Variants in FUCA1 observed in about 807,000 individuals in gnomAD.
FUCA1 encodes the protein alpha-L-fucosidase 1.
In FUCA1, 52 loss-of-function variants were observed where a neutral mutation model predicts 56.8. That is an observed-to-expected ratio of 0.92 (90% CI 0.73 to 1.15). FUCA1 has a LOEUF of 1.15. Ranked by LOEUF, FUCA1 falls within the 50% of genes most tolerant of loss-of-function variation. The pLI is 0.00. For missense variants in FUCA1, 568 were observed against 592.6 expected (o/e 0.96, Z 0.43); for synonymous variants, 230 against 226.6 (o/e 1.02, Z -0.14).
rs765520069 is a variant in FUCA1 at position 23,867,902 on chromosome 1, C to A, written c.385G>T (p.Ala129Ser). ...GCTCCCCGGGACCACACTCACTTGG[C>A]GCCCGCGGCCTGGAAGAGGTCGGCC... is the stretch of plus-strand genomic sequence containing the variant. ...EWADLFQAAG[A>S]KYVVLTTKHH... The change falls in exon 1 of 8, where the codon GCC becomes TCC. Residue 129 changes from alanine (A) to serine (S), a missense_variant. Physicochemically the swap from Ala to Ser is moderately conservative, Grantham distance 99 (BLOSUM62 1). Transcript: ENST00000374479. This position sits in a 1 kb window ranked among gnomAD's most constrained non-coding sequence, Gnocchi z 4.9. 5.2e-6 allele frequency: 8 copies of A among 1,547,298 alleles called. No individual in the cohort carries two copies. In the South Asian group the frequency reaches 9.5e-5, roughly 18 times the overall value.
Position 23,854,427 on chromosome 1 carries a change from T to C in FUCA1, c.902A>G (p.Lys301Arg). Residue 301 changes from lysine to arginine, a missense_variant, in exon 5 of 8, where the codon AAG (lysine) becomes AGG (arginine). Coordinates refer to ENST00000374479, the MANE Select transcript of FUCA1 (RefSeq NM_000147.5). ...HKWEMCTSID[K>R]FSWGYRRDMA... The stretch of plus-strand genomic sequence containing the variant: ...GTCACGACGATAGCCCCAGGAAAAC[T>C]TGTCAATGCTGGTGCACATCTCCCA... The C allele has an allele frequency of 6.2e-7, 1 of 1,614,120 alleles. No homozygotes were observed. The highest frequency in any genetic ancestry group is 8.5e-7 in the Non-Finnish European group (1 of 1,180,018).
rs369435617 is a variant in FUCA1, at chr1:23,865,585, T to C, written c.430A>G (p.Asn144Asp). Residue 144 changes from asparagine to aspartate, a missense_variant, in exon 2 of 8, where the codon AAC (asparagine) becomes GAC (aspartate). Transcript: ENST00000374479. ...TTCCAAGACACAGGACTCGGCCAGT[T>C]TGTGAAGCCTTCGTGATGCTTTGTC... The part of the protein sequence containing the change: ...LTTKHHEGFT[N>D]WPSPVSWNWN... 35 of 1,614,046 alleles carry C rather than the reference T, an allele frequency of 2.2e-5. No homozygotes were observed. Among genetic ancestry groups the C allele is most frequent in the Non-Finnish European group, 2.9e-5 (34 of 1,180,036 alleles).
In FUCA1 at chr1:23,848,545, C is replaced by G. The variant is rs1464692890; in HGVS notation, c.1160+104G>C. ...AGGAAAATAACCTTCTGGATTTTCT[C>G]AAGGCAACTTCCAGCCTGGCTTGTG... On this transcript the variant is annotated intron_variant, in intron 6 of 7. Transcript: ENST00000374479. The G allele has an allele frequency of 3.5e-6, 4 of 1,137,934 alleles. No individual in the cohort carries two copies. In the African/African-American group the frequency reaches 6.1e-5, roughly 17 times the overall value. The allele number at this position is 1,137,934 out of a possible 1,614,324, so 70.5% of individuals were successfully genotyped here.
At position 23,853,462 on chromosome 1, in the gene FUCA1, G is replaced by C. The variant is rs568805204; in HGVS notation, c.969+898C>G. Among the ~76,000 whole-genome samples the C allele has an allele frequency of 6.1e-3, 923 of 150,694 alleles. 6 individuals are homozygous for C. Among genetic ancestry groups the C allele is most frequent in the African/African-American group, 0.021 (857 of 40,882 alleles). On this transcript the variant is annotated intron_variant, in intron 5 of 7. Coordinates refer to ENST00000374479, the MANE Select transcript of FUCA1 (RefSeq NM_000147.5). ...GGTGGGGGGGTCAGCCCCCCGCCCA[G>C]CCAGCCGCCCGGTCCGGGAGGTGAG...
rs959234890 is a variant in FUCA1, at chr1:23,863,038, T to C, written c.662+96A>G. The C allele has an allele frequency of 4.5e-6, 6 of 1,335,676 alleles. No individual in the cohort carries two copies. The African/African-American group carries it at 7.2e-5, about 16-fold the overall frequency. 82.7% of individuals were successfully genotyped at this position (1,335,676 alleles called of 1,614,324 possible). A position where few individuals can be genotyped will look rare whatever the true frequency, so the allele number is the denominator to read the frequency against. On this transcript the variant is annotated intron_variant, in intron 3 of 7. Transcript: ENST00000374479. The stretch of plus-strand genomic sequence containing the variant: ...ATTATTTTGATGTCTTTTAGGTTTT[T>C]TTCATACCTATCCCTCCTCCACTTT...
In FUCA1 at chr1:23,861,094, C is replaced by T. The variant is rs190745185; in HGVS notation, c.663-1191G>A. Among the ~76,000 whole-genome samples the T allele has an allele frequency of 2.6e-3, 394 of 151,286 alleles. 5 individuals are homozygous for T. Among genetic ancestry groups the T allele is most frequent in the African/African-American group, 8.6e-3 (355 of 41,294 alleles). On this transcript the variant is annotated intron_variant, in intron 3 of 7. Coordinates refer to ENST00000374479, the MANE Select transcript of FUCA1 (RefSeq NM_000147.5). ...ATCCCAGCACTTTGGGAGGCCGAGG[C>T]GGGCGGATCACGAGGTCGGGAGATC...
In FUCA1 at chr1:23,863,231, AC is replaced by A; in HGVS notation, c.564del (p.Trp188CysfsTer39). ...RYGLYHSLLE[W>X]FHPLYLLDKK... ...TTATCAAGTAGATAGAGTGGATGGA[AC>A]CACTCTAAGAGTGAGTGGTATAGTC... On this transcript the variant is annotated frameshift_variant, in exon 3 of 8. Transcript: ENST00000374479. LOFTEE classifies it high-confidence loss of function. The A allele has an allele frequency of 1.9e-6, 3 of 1,611,952 alleles. No individual in the cohort carries two copies. Among genetic ancestry groups the A allele is most frequent in the Non-Finnish European group, 2.5e-6 (3 of 1,178,228 alleles).
Position 23,845,783 on chromosome 1 carries a change from G to A in FUCA1, c.1333C>T (p.Pro445Ser). 3 of 1,614,162 alleles carry A rather than the reference G, an allele frequency of 1.9e-6. No individual in the cohort carries two copies. Among genetic ancestry groups the A allele is most frequent in the Non-Finnish European group, 2.5e-6 (3 of 1,179,994 alleles). Residue 445 changes from proline (P) to serine (S), a missense_variant, in exon 8 of 8, where the codon CCC becomes TCC. Pro to Ser is a moderately conservative substitution (Grantham distance 74, BLOSUM62 -1). Transcript: ENST00000374479. ...GGGACAGCAGAGGGTGGCAACTGGG[G>A]TAGAGAGATGAAGAGACCTTTATCT... ...DPDKGLFISL[P>S]QLPPSAVPAE...
At chr1:23,862,497 G>A (rs1291735820) in intron 3 of FUCA1, among the ~76,000 whole-genome samples, 1 of 152,126 alleles carries the variant, frequency 6.6e-6, no homozygotes, top group African/African-American at 2.4e-5. Context: ...CTAAAGTGAG[G>A]GTCCAGGCAG....
Position 23,865,537 on chromosome 1 carries a change from G to A in FUCA1, c.478C>T (p.Pro160Ser). Reference sequence around the variant, plus strand: ...AATTCACCAACCAAATCCCGATGAGGCCCCACGTCTTTGGAGTTCCAGTTC... The same window carrying A: ...AATTCACCAACCAAATCCCGATGAGACCCCACGTCTTTGGAGTTCCAGTTC... ...SWNWNSKDVG[P>S]HRDLVGELGT... Residue 160 changes from proline to serine, a missense_variant, in exon 2 of 8, where the codon CCT becomes TCT. Transcript: ENST00000374479. 1 of 1,614,126 alleles carries A rather than the reference G, an allele frequency of 6.2e-7. No individual in the cohort carries two copies. Among genetic ancestry groups the A allele is most frequent in the Non-Finnish European group, 8.5e-7 (1 of 1,180,038 alleles).
At chr1:23,849,536 T>C (rs1404240419) in intron 5 of FUCA1, among the ~76,000 whole-genome samples, 4 of 151,086 alleles carry the variant, frequency 2.6e-5, no homozygotes. Flanking sequence ...TAAATGAACA[T>C]GCTGCCCCTT....
chr1:23,852,217 T>C (rs1451402055), intron 5 of FUCA1, among the ~76,000 whole-genome samples: 3 of 151,756 alleles, frequency 2.0e-5, no homozygotes, highest in Non-Finnish European at 4.4e-5. Flanking sequence ...GGCCAGGAGT[T>C]TGAGACCAGC....
intron 6 of FUCA1, among the ~76,000 whole-genome samples, chr1:23,847,281 T>C (rs964102658): frequency 2.6e-5 from 4 of 152,018 alleles, no homozygotes; most frequent in East Asian, 1.9e-4. Context: ...CATGTGAAAA[T>C]AGCAGAGACT....
chr1:23,863,929 A>G (rs575521539), intron 2 of FUCA1, among the ~76,000 whole-genome samples: 30 of 152,220 alleles, frequency 2.0e-4, no homozygotes, highest in African/African-American at 7.0e-4. Context: ...TCAATCATAA[A>G]ATTTCATATT....
At chr1:23,862,985 T>C in intron 3 of FUCA1, 149 bp downstream of exon 3, 1 of 820,748 alleles carries the variant, frequency 1.2e-6, no homozygotes, top group Non-Finnish European at 2.0e-6. Flanking sequence ...AAAGAACATA[T>C]TTTGTCTTAA....
At chr1:23,855,054 T>C (rs1253308101) in intron 4 of FUCA1, among the ~76,000 whole-genome samples, 1 of 150,528 alleles carries the variant, frequency 6.6e-6, no homozygotes, top group Non-Finnish European at 1.5e-5. Flanking sequence ...GTTTTCCAAC[T>C]ATATAATCCC....
chr1:23,858,246 T>C (rs1490226308), intron 4 of FUCA1, among the ~76,000 whole-genome samples: 1 of 151,656 alleles, frequency 6.6e-6, no homozygotes, highest in Non-Finnish European at 1.5e-5. Context: ...TTTTTGTATT[T>C]TTAGTAGAGA....
intron 3 of FUCA1, among the ~76,000 whole-genome samples, chr1:23,862,051 C>A (rs977221928): frequency 5.3e-5 from 8 of 152,142 alleles, no homozygotes; most frequent in African/African-American, 1.9e-4. Context: ...TAGCCAAGTA[C>A]GATAAAAGAG....
At chr1:23,856,578 C>G (rs1439420777) in intron 4 of FUCA1, among the ~76,000 whole-genome samples, 1 of 152,196 alleles carries the variant, frequency 6.6e-6, no homozygotes, top group Non-Finnish European at 1.5e-5. Context: ...GGCACCGGCT[C>G]TCAATAAATC....
Sources: gnomAD v4.1 joint callset for allele counts (sites outside exome capture counted in the v4.1 genomes callset) on GRCh38, gnomAD v4.1.1 for gene constraint, Gnocchi (gnomAD v3.1) non-coding constraint, MANE v1.5 for transcripts, NCBI Gene and HGNC (gene_info 2026-07-23, HGNC 2026-07-21) for gene names.